IGF1R: variants seen among roughly 807,000 people sequenced by gnomAD.
The protein encoded by IGF1R is insulin like growth factor 1 receptor.
In IGF1R, 44 loss-of-function variants were observed where a neutral mutation model predicts 144.6. The observed-to-expected ratio is 0.30, with a 90% confidence interval of 0.24 to 0.39. IGF1R has a LOEUF of 0.39. IGF1R is among the 10% of genes least tolerant of loss of function. The pLI is 1.00. For missense variants in IGF1R, 1,355 were observed against 1,833.7 expected (o/e 0.74, Z 4.77); for synonymous variants, 795 against 722.8 (o/e 1.10, Z -1.60).
intron 2 of IGF1R, among the ~76,000 whole-genome samples, chr15:98,727,974 C>T (rs543811294): frequency 9.0e-4 from 131 of 144,996 alleles, no homozygotes; most frequent in Admixed American, 2.4e-3. Context: ...AAAAGGAACA[C>T]GAGGTAGCCA....
chr15:98,755,222 C>T (rs555198688), intron 2 of IGF1R, among the ~76,000 whole-genome samples: 114 of 151,760 alleles, frequency 7.5e-4, no homozygotes, highest in African/African-American at 2.6e-3. Flanking sequence ...TACTTTTTCT[C>T]GGTGTATGGA....
chr15:98,781,518 G>A (rs1430792827), intron 2 of IGF1R, among the ~76,000 whole-genome samples: 3 of 152,112 alleles, frequency 2.0e-5, no homozygotes, highest in African/African-American at 7.2e-5. Flanking sequence ...TAGTTTCTCA[G>A]TTTTCCATTT....
chr15:98,740,231 T>C (rs1331274171), intron 2 of IGF1R, among the ~76,000 whole-genome samples: 1 of 152,266 alleles, frequency 6.6e-6, no homozygotes, highest in African/African-American at 2.4e-5. Context: ...GTGGTTTTGC[T>C]CTGATTTACA....
intron 1 of IGF1R, among the ~76,000 whole-genome samples, chr15:98,675,216 T>A (rs1183653048): frequency 6.6e-6 from 1 of 152,180 alleles, no homozygotes; most frequent in Non-Finnish European, 1.5e-5. Context: ...CTCAAACTCC[T>A]GACCTCAAAT....
chr15:98,880,499 T>TA (rs1272307900), intron 2 of IGF1R, among the ~76,000 whole-genome samples: 1 of 152,242 alleles, frequency 6.6e-6, no homozygotes, highest in Non-Finnish European at 1.5e-5. Flanking sequence ...TGTTCACAGA[T>TA]ACATTCAGCA....
intron 2 of IGF1R, among the ~76,000 whole-genome samples, chr15:98,850,941 G>T (rs766384384): frequency 7.9e-5 from 12 of 152,166 alleles, no homozygotes; most frequent in Admixed American, 2.6e-4. Flanking sequence ...CCTTGCCCTG[G>T]TATGCTCAGG....
intron 2 of IGF1R, among the ~76,000 whole-genome samples, chr15:98,822,808 A>T (rs191028807): frequency 6.6e-6 from 1 of 152,364 alleles, no homozygotes; most frequent in East Asian, 1.9e-4. Context: ...CTAAGATGTA[A>T]AAAACAGAAG....
At chr15:98,916,623 A>G (rs1010098262) in intron 9 of IGF1R, 49 bp from the exon 10 acceptor site, 4 of 1,493,922 alleles carry the variant, frequency 2.7e-6, no homozygotes, top group East Asian at 2.3e-5. Context: ...ACAAGCATGT[A>G]TAACGGCTTT....
At chr15:98,802,343 C>T (rs117457321) in intron 2 of IGF1R, among the ~76,000 whole-genome samples, 49 of 152,262 alleles carry the variant, frequency 3.2e-4, no homozygotes, top group Non-Finnish European at 5.9e-4. Context: ...ATGGCTTGGA[C>T]TTTGGAGGCT....
At chr15:98,826,688 AT>A (rs1376252087) in intron 2 of IGF1R, among the ~76,000 whole-genome samples, 2 of 152,108 alleles carry the variant, frequency 1.3e-5, no homozygotes, top group African/African-American at 4.8e-5. Flanking sequence ...TCTCTTTTAA[AT>A]TTTCTATTGT....
chr15:98,924,995 CTTT>C (rs5814912), intron 13 of IGF1R, among the ~76,000 whole-genome samples: 20 of 148,588 alleles, frequency 1.3e-4, no homozygotes, highest in Admixed American at 2.7e-4. Context: ...CATTCAAAGA[CTTT>C]TTTTTTTTTT....
In IGF1R at chr15:98,707,632, C is replaced by A. The variant is rs749237661; in HGVS notation, c.165C>A (p.Ile55=). The A allele has an allele frequency of 9.9e-6, 16 of 1,614,172 alleles. No homozygotes were observed. Among genetic ancestry groups the A allele is most frequent in the Non-Finnish European group, 1.4e-5 (16 of 1,180,008 alleles). Residue 55 remains isoleucine (I), a synonymous_variant, in exon 2 of 21, where the codon ATC becomes ATA. Coordinates refer to ENST00000650285, the MANE Select transcript of IGF1R (RefSeq NM_000875.5). This position sits in a 1 kb window ranked among gnomAD's most constrained non-coding sequence, Gnocchi z 6.7. ...QLKRLENCTV[I]EGYLHILLIS... is the part of the protein sequence containing the mutation. Reference sequence around the variant, plus strand: ...AGCGCCTGGAGAACTGCACGGTGATCGAGGGCTACCTCCACATCCTGCTCA... The same window carrying A: ...AGCGCCTGGAGAACTGCACGGTGATAGAGGGCTACCTCCACATCCTGCTCA...
intron 2 of IGF1R, among the ~76,000 whole-genome samples, chr15:98,819,768 G>T (rs568088964): frequency 6.6e-6 from 1 of 152,130 alleles, no homozygotes; most frequent in South Asian, 2.1e-4. Flanking sequence ...CTTAATATGC[G>T]TTAACGTACT....
rs41350848 is a variant in IGF1R at position 98,874,482 on chromosome 15, C to T, written c.641-16843C>T. Among the ~76,000 whole-genome samples, 282 of 152,260 alleles carry T rather than the reference C, an allele frequency of 1.9e-3. 3 individuals are homozygous for T. Among genetic ancestry groups the T allele is most frequent in the African/African-American group, 6.2e-3 (256 of 41,546 alleles). ...TTGCGGGTTGTTTGTCAAAAGGGGT[C>T]ATATGCTTTAAAGATTGAGAGATCT... On this transcript the variant is annotated intron_variant, in intron 2 of 20. Transcript: ENST00000650285.
At chr15:98,798,815 G>A (rs2056302392) in intron 2 of IGF1R, among the ~76,000 whole-genome samples, 1 of 152,138 alleles carries the variant, frequency 6.6e-6, no homozygotes, top group Admixed American at 6.5e-5. Context: ...GAGCTTATAT[G>A]GGGGGTGAGA....
intron 2 of IGF1R, among the ~76,000 whole-genome samples, chr15:98,743,565 G>C (rs527856542): frequency 6.6e-6 from 1 of 152,210 alleles, no homozygotes. Flanking sequence ...AGAAGGAAAA[G>C]AAATAATGTG....
chr15:98,821,283 T>TCC (rs1401856414), intron 2 of IGF1R, among the ~76,000 whole-genome samples: 6 of 122,816 alleles, frequency 4.9e-5, no homozygotes, highest in South Asian at 3.1e-4. Flanking sequence ...TAAACACGCC[T>TCC]CCCCCCCCCC....
intron 17 of IGF1R, among the ~76,000 whole-genome samples, chr15:98,936,778 A>G (rs751167047): frequency 1.4e-4 from 22 of 152,096 alleles, no homozygotes; most frequent in Non-Finnish European, 2.2e-4. Context: ...AGGATGGTTT[A>G]CAAAACTCCC....
chr15:98,901,493 G>A (rs977359364), intron 5 of IGF1R, among the ~76,000 whole-genome samples: 3 of 152,220 alleles, frequency 2.0e-5, no homozygotes, highest in Non-Finnish European at 4.4e-5. Context: ...TGCTTCAGGT[G>A]TTGAGACCGC....
Sources: gnomAD v4.1 joint callset for allele counts (sites outside exome capture counted in the v4.1 genomes callset) on GRCh38, gnomAD v4.1.1 for gene constraint, Gnocchi (gnomAD v3.1) non-coding constraint, MANE v1.5 for transcripts, NCBI Gene and HGNC (gene_info 2026-07-23, HGNC 2026-07-21) for gene names.